EPHA3: variants seen among roughly 807,000 people sequenced by gnomAD.
EPHA3 encodes EPH receptor A3.
Under a neutral mutation model 107.1 loss-of-function variants are expected in EPHA3, and 42 were observed. The ratio of observed to expected loss-of-function variants is 0.39; its 90% CI spans 0.31 to 0.51. The LOEUF is 0.51. EPHA3 is among the 20% of genes least tolerant of loss of function. The pLI, the probability that EPHA3 is intolerant of heterozygous loss-of-function variation, is 0.78. For synonymous variants in EPHA3, 461 were observed against 424.8 expected, an observed-to-expected ratio of 1.09 and a Z score of -1.05; for missense variants, 1,183 against 1,211.2, an observed-to-expected ratio of 0.98 and a Z score of 0.35.
intron 3 of EPHA3, among the ~76,000 whole-genome samples, chr3:89,224,694 C>T (rs1396720236): frequency 6.6e-6 from 1 of 151,678 alleles, no homozygotes; most frequent in Non-Finnish European, 1.5e-5. Flanking sequence ...ACTAAAAATA[C>T]AAAAATTAGC....
intron 2 of EPHA3, among the ~76,000 whole-genome samples, chr3:89,165,509 G>A (rs1705042390): frequency 6.6e-6 from 1 of 152,062 alleles, no homozygotes; most frequent in Admixed American, 6.6e-5. Context: ...CTAATGCATG[G>A]ATTAAAAACT....
intron 2 of EPHA3, among the ~76,000 whole-genome samples, chr3:89,149,535 G>T (rs1032286090): frequency 1.3e-5 from 2 of 151,794 alleles, no homozygotes; most frequent in African/African-American, 2.4e-5. Flanking sequence ...TGCACAACAT[G>T]CAGGTTTGTT....
intron 5 of EPHA3, among the ~76,000 whole-genome samples, chr3:89,367,773 T>G (rs1475011172): frequency 6.8e-6 from 1 of 146,236 alleles, no homozygotes; most frequent in Non-Finnish European, 1.5e-5. Flanking sequence ...TGTTTAAAAT[T>G]TTTTAATTCT....
At chr3:89,211,012 T>C (rs1184797270) in intron 3 of EPHA3, among the ~76,000 whole-genome samples, 2 of 152,100 alleles carry the variant, frequency 1.3e-5, no homozygotes, top group Admixed American at 1.3e-4. Flanking sequence ...CAAATACATG[T>C]TTACTTACAA....
chr3:89,328,414 T>C (rs530742550), intron 3 of EPHA3, among the ~76,000 whole-genome samples: 2 of 152,258 alleles, frequency 1.3e-5, no homozygotes, highest in Admixed American at 6.5e-5. Flanking sequence ...TGACTAGACC[T>C]CTAAGATATT....
At chr3:89,249,288 T>C (rs1705107034) in intron 3 of EPHA3, among the ~76,000 whole-genome samples, 1 of 152,214 alleles carries the variant, frequency 6.6e-6, no homozygotes, top group African/African-American at 2.4e-5. Context: ...ATTGAGAAGC[T>C]TTGACATCTC....
intron 2 of EPHA3, among the ~76,000 whole-genome samples, chr3:89,162,019 T>A (rs1187644945): frequency 6.6e-6 from 1 of 150,788 alleles, no homozygotes; most frequent in African/African-American, 2.4e-5. Flanking sequence ...TAAATAATAA[T>A]AAATAATAAA....
At chr3:89,396,765 G>A (rs772020529) in intron 6 of EPHA3, among the ~76,000 whole-genome samples, 12 of 152,116 alleles carry the variant, frequency 7.9e-5, no homozygotes, top group Non-Finnish European at 1.8e-4. Flanking sequence ...TATAAAGTGT[G>A]TTAAAATGAA....
chr3:89,478,237 G>T (rs11924356), intron 16 of EPHA3, among the ~76,000 whole-genome samples: 120,376 of 152,210 alleles, frequency 0.79, 47,943 homozygotes, highest in Admixed American at 0.83. Context: ...AAAAGAGATA[G>T]GTCTTTGTCA....
intron 2 of EPHA3, among the ~76,000 whole-genome samples, chr3:89,191,606 A>G (rs1039048460): frequency 6.6e-6 from 1 of 152,346 alleles, no homozygotes; most frequent in South Asian, 2.1e-4. Context: ...AACAAAGAAT[A>G]TATCTTGTAA....
intron 5 of EPHA3, among the ~76,000 whole-genome samples, chr3:89,361,895 G>A (rs184992682): frequency 1.3e-5 from 2 of 151,222 alleles, no homozygotes; most frequent in Admixed American, 6.6e-5. Context: ...ACATAGAATT[G>A]CTACACTTGT....
intron 2 of EPHA3, among the ~76,000 whole-genome samples, chr3:89,141,442 C>T (rs1230220837): frequency 6.6e-6 from 1 of 151,462 alleles, no homozygotes; most frequent in Non-Finnish European, 1.5e-5. Context: ...GTAGAGAAAT[C>T]AAGGATAATT....
At chr3:89,391,432 T>C (rs1308943605) in intron 5 of EPHA3, among the ~76,000 whole-genome samples, 1 of 143,428 alleles carries the variant, frequency 7.0e-6, no homozygotes, top group East Asian at 2.0e-4. Flanking sequence ...TTTTTTTTTT[T>C]TTTTTTGAGA....
intron 3 of EPHA3, among the ~76,000 whole-genome samples, chr3:89,320,125 A>G (rs1707009211): frequency 6.6e-6 from 1 of 151,992 alleles, no homozygotes. Context: ...TTGCTAGTCA[A>G]AACTAGTCTT....
intron 13 of EPHA3, among the ~76,000 whole-genome samples, chr3:89,437,066 A>G (rs1387101010): frequency 1.3e-5 from 2 of 152,174 alleles, no homozygotes; most frequent in African/African-American, 4.8e-5. Flanking sequence ...GAATAAGGCT[A>G]TGAAGTTTCA....
intron 3 of EPHA3, among the ~76,000 whole-genome samples, chr3:89,225,323 T>C (rs1704479219): frequency 6.6e-6 from 1 of 152,168 alleles, no homozygotes; most frequent in African/African-American, 2.4e-5. Flanking sequence ...TACTCTTTAC[T>C]TACTCCAAAA....
intron 16 of EPHA3, among the ~76,000 whole-genome samples, chr3:89,475,144 G>C (rs533813338): frequency 6.6e-6 from 1 of 152,132 alleles, no homozygotes; most frequent in Admixed American, 6.5e-5. Context: ...TACAAAAAGA[G>C]AATTTATTAA....
chr3:89,467,697 T>A (rs1361942313), intron 15 of EPHA3, among the ~76,000 whole-genome samples: 2 of 152,056 alleles, frequency 1.3e-5, no homozygotes, highest in East Asian at 3.9e-4. Context: ...ACCTCTCTAA[T>A]GCAACAGTAT....
At chr3:89,343,070 G>T (rs183511864) in intron 5 of EPHA3, among the ~76,000 whole-genome samples, 1 of 152,182 alleles carries the variant, frequency 6.6e-6, no homozygotes, top group East Asian at 1.9e-4. Flanking sequence ...ACATCCCTCT[G>T]GTCCCTAGTG....
Sources: gnomAD v4.1 joint callset for allele counts (sites outside exome capture counted in the v4.1 genomes callset) on GRCh38, gnomAD v4.1.1 for gene constraint, MANE v1.5 for transcripts, NCBI Gene and HGNC (gene_info 2026-07-23, HGNC 2026-07-21) for gene names.